The following ADORA1 variants were observed in gnomAD, a reference collection of about 807,000 sequenced individuals.
The protein encoded by ADORA1 is adenosine receptor A1.
ADORA1 carries 6 observed loss-of-function variants against 19.9 expected under a neutral mutation model. That is an observed-to-expected ratio of 0.30 (90% CI 0.17 to 0.59). The LOEUF (loss-of-function observed/expected upper bound fraction) is 0.59. Among genes scored for constraint, ADORA1 ranks in the 20% least tolerant of loss-of-function variants. The probability of loss-of-function intolerance (pLI) is 0.87; values close to 1 mark genes in which losing one functional copy is unlikely to be tolerated. For synonymous variants in ADORA1, 194 were observed against 188.4 expected (o/e 1.03, Z -0.24); for missense variants, 302 against 439.2 (o/e 0.69, Z 2.79).
At chr1:203,136,038 G>A (rs1400088500) in intron 3 of ADORA1, among the ~76,000 whole-genome samples, 3 of 152,176 alleles carry the variant, frequency 2.0e-5, no homozygotes, top group African/African-American at 7.2e-5. Context: ...AGGACTTGGG[G>A]TGAGGCACAT....
intron 3 of ADORA1, among the ~76,000 whole-genome samples, chr1:203,155,783 G>A (rs889086362): frequency 9.2e-5 from 14 of 152,168 alleles, no homozygotes; most frequent in Non-Finnish European, 1.9e-4. Context: ...GCCTTATGTC[G>A]CAGGACCTAG....
intron 3 of ADORA1, among the ~76,000 whole-genome samples, chr1:203,131,407 A>G (rs1184446057): frequency 6.6e-6 from 1 of 152,232 alleles, no homozygotes; most frequent in Non-Finnish European, 1.5e-5. Flanking sequence ...CAAATTCTTC[A>G]GAATGCCCAG....
At chr1:203,131,724 C>T (rs1342534197) in intron 3 of ADORA1, among the ~76,000 whole-genome samples, 2 of 152,186 alleles carry the variant, frequency 1.3e-5, no homozygotes, top group Admixed American at 6.5e-5. Context: ...GGGATCCTGG[C>T]TGAGGTGTTG....
chr1:203,142,616 A>G (rs946796303), intron 3 of ADORA1, among the ~76,000 whole-genome samples: 1 of 152,238 alleles, frequency 6.6e-6, no homozygotes, highest in Non-Finnish European at 1.5e-5. Flanking sequence ...GAGCTTGTAC[A>G]GCAAGTTAGG....
At chr1:203,161,180 T>TC (rs1330574535) in intron 3 of ADORA1, among the ~76,000 whole-genome samples, 1 of 152,268 alleles carries the variant, frequency 6.6e-6, no homozygotes, top group Non-Finnish European at 1.5e-5. Flanking sequence ...CCTCAAGTGA[T>TC]CCCTTTCCCT....
Position 203,128,676 on chromosome 1 carries a change from G to C in ADORA1, c.-57-109G>C. On this transcript the variant is annotated intron_variant, in intron 2 of 3. Coordinates refer to ENST00000337894, the MANE Select transcript of ADORA1 (RefSeq NM_000674.3). This position sits in a 1 kb window ranked among gnomAD's most constrained non-coding sequence, Gnocchi z 5.9. The stretch of plus-strand genomic sequence containing the variant: ...TGCCCCTCCAGCCTGGGTAGGAGCT[G>C]CATGTGACAAGTGGGACACATCACA... 4.6e-6 allele frequency: 6 copies of C among 1,301,542 alleles called. No individual in the cohort carries two copies. The highest frequency in any genetic ancestry group is 5.1e-6 in the Non-Finnish European group (5 of 971,568). The allele number at this position is 1,301,542 out of a possible 1,614,324, so 80.6% of individuals were successfully genotyped here.
intron 3 of ADORA1, among the ~76,000 whole-genome samples, chr1:203,154,675 C>T (rs1396162162): frequency 3.9e-5 from 6 of 152,170 alleles, no homozygotes; most frequent in Non-Finnish European, 1.5e-5. Context: ...GCCCCATCCC[C>T]ACTGCTCCAG....
chr1:203,165,386 G>C lies in ADORA1; in HGVS notation c.467G>C (p.Trp156Ser), dbSNP rs758713473. Residue 156 changes from tryptophan (W) to serine (S), a missense_variant, in exon 4 of 4, where the codon TGG becomes TCG. By Grantham distance (177) the Trp-to-Ser change is radical. Coordinates refer to ENST00000337894, the MANE Select transcript of ADORA1 (RefSeq NM_000674.3). The surrounding 1 kb of genome is among the most constrained non-coding windows in gnomAD (Gnocchi z 5.9). ...AATCTGAGTGCGGTGGAGCGGGCCT[G>C]GGCAGCCAACGGCAGCATGGGGGAG... ...WNNLSAVERA[W>S]AANGSMGEPV... 1.2e-6 allele frequency: 2 copies of C among 1,606,580 alleles called. No individual in the cohort carries two copies. Among genetic ancestry groups the C allele is most frequent in the South Asian group, 2.2e-5 (2 of 89,192 alleles).
At position 203,165,423 on chromosome 1, in the gene ADORA1, G is replaced by A. The variant is rs780666223; in HGVS notation, c.504G>A (p.Lys168=). ...ANGSMGEPVI[K]CEFEKVISME... Reference sequence around the variant, plus strand: ...GCAGCATGGGGGAGCCCGTGATCAAGTGCGAGTTCGAGAAGGTCATCAGCA... The same window carrying A: ...GCAGCATGGGGGAGCCCGTGATCAAATGCGAGTTCGAGAAGGTCATCAGCA... Residue 168 remains lysine, a synonymous_variant, in exon 4 of 4, where the codon AAG becomes AAA. Coordinates refer to ENST00000337894, the MANE Select transcript of ADORA1 (RefSeq NM_000674.3). This position sits in a 1 kb window ranked among gnomAD's most constrained non-coding sequence, Gnocchi z 5.9. 7 of 1,613,282 alleles carry A rather than the reference G, an allele frequency of 4.3e-6. No homozygotes were observed. Among genetic ancestry groups the A allele is most frequent in the South Asian group, 1.1e-5 (1 of 90,892 alleles).
At chr1:203,160,445 C>T (rs1426804672) in intron 3 of ADORA1, among the ~76,000 whole-genome samples, 1 of 152,152 alleles carries the variant, frequency 6.6e-6, no homozygotes, top group Non-Finnish European at 1.5e-5. Flanking sequence ...TGGATTTTCA[C>T]ATTAGGGATG....
At chr1:203,149,453 C>T (rs891728654) in intron 3 of ADORA1, among the ~76,000 whole-genome samples, 1 of 152,150 alleles carries the variant, frequency 6.6e-6, no homozygotes, top group Non-Finnish European at 1.5e-5. Context: ...TCTGTTTTAC[C>T]CGTGCAAATG....
chr1:203,162,878 G>T lies in ADORA1; in HGVS notation c.342-2383G>T, dbSNP rs1192075510. ...CAGATGTGATGGGTGGTGGGGGTAG[G>T]CAGGACACCTGGCCCCGTCCTCTCT... is the stretch of plus-strand genomic sequence containing the variant. On this transcript the variant is annotated intron_variant, in intron 3 of 3. Coordinates refer to ENST00000337894, the MANE Select transcript of ADORA1 (RefSeq NM_000674.3). 2.0e-5 allele frequency among the ~76,000 whole-genome samples: 3 copies of T among 152,138 alleles called. No homozygotes were observed. The East Asian group carries it at 5.8e-4, about 29-fold the overall frequency.
chr1:203,165,483 G>T lies in ADORA1; in HGVS notation c.564G>T (p.Trp188Cys). Residue 188 changes from tryptophan to cysteine, a missense_variant, in exon 4 of 4, where the codon TGG (tryptophan) becomes TGT (cysteine). Trp to Cys is a radical substitution (Grantham distance 215). Coordinates refer to ENST00000337894, the MANE Select transcript of ADORA1 (RefSeq NM_000674.3). The surrounding 1 kb of genome is among the most constrained non-coding windows in gnomAD (Gnocchi z 5.9). ...TGGTCTACTTCAACTTCTTTGTGTG[G>T]GTGCTGCCCCCGCTTCTCCTCATGG... is the stretch of plus-strand genomic sequence containing the variant. Reference protein sequence around the residue: ...EYMVYFNFFVWVLPPLLLMVL... With the variant: ...EYMVYFNFFVCVLPPLLLMVL... The T allele has an allele frequency of 6.2e-7, 1 of 1,613,292 alleles. No homozygotes were observed. The highest frequency in any genetic ancestry group is 2.2e-5 in the East Asian group (1 of 44,862).
At chr1:203,142,847 G>A (rs149330214) in intron 3 of ADORA1, among the ~76,000 whole-genome samples, 45 of 152,306 alleles carry the variant, frequency 3.0e-4, no homozygotes, top group Non-Finnish European at 5.6e-4. Context: ...TGGCAGCTCT[G>A]TAAATTGACT....
chr1:203,136,823 G>T (rs538528586), intron 3 of ADORA1, among the ~76,000 whole-genome samples: 1 of 152,162 alleles, frequency 6.6e-6, no homozygotes, highest in Non-Finnish European at 1.5e-5. Flanking sequence ...TCCCTACACC[G>T]GGCCCTGGTA....
In ADORA1 at chr1:203,165,015, T is replaced by G; in HGVS notation, c.342-246T>G. On this transcript the variant is annotated intron_variant, in intron 3 of 3. Coordinates refer to ENST00000337894, the MANE Select transcript of ADORA1 (RefSeq NM_000674.3). The surrounding 1 kb of genome is among the most constrained non-coding windows in gnomAD (Gnocchi z 5.9). Reference sequence around the variant, plus strand: ...AAAGGAGCTCCTCTGTGATTTTCTATTATTATTTTTGTCATTAATCAGGAT... The same window carrying G: ...AAAGGAGCTCCTCTGTGATTTTCTAGTATTATTTTTGTCATTAATCAGGAT... 1 of 1,544,070 alleles carries G rather than the reference T, an allele frequency of 6.5e-7. No individual in the cohort carries two copies. Among genetic ancestry groups the G allele is most frequent in the Non-Finnish European group, 8.7e-7 (1 of 1,143,108 alleles).
At chr1:203,133,867 G>A (rs1350736815) in intron 3 of ADORA1, among the ~76,000 whole-genome samples, 1 of 152,188 alleles carries the variant, frequency 6.6e-6, no homozygotes, top group Non-Finnish European at 1.5e-5. Context: ...TTGCGTTTAG[G>A]CATCAATTTA....
At chr1:203,151,998 A>G (rs1655052953) in intron 3 of ADORA1, among the ~76,000 whole-genome samples, 1 of 152,118 alleles carries the variant, frequency 6.6e-6, no homozygotes, top group Non-Finnish European at 1.5e-5. Flanking sequence ...TTCCGTGTTC[A>G]GTGCCCCTCC....
chr1:203,153,321 A>G (rs1655095927), intron 3 of ADORA1, among the ~76,000 whole-genome samples: 1 of 152,196 alleles, frequency 6.6e-6, no homozygotes, highest in African/African-American at 2.4e-5. Flanking sequence ...GCTCACGTCC[A>G]GCGCTCAGAA....
Sources: allele counts gnomAD v4.1 joint callset (sites outside exome capture counted in the v4.1 genomes callset), GRCh38; gene constraint gnomAD v4.1.1; non-coding constraint Gnocchi (gnomAD v3.1); transcripts MANE v1.5; gene names NCBI Gene and HGNC (gene_info 2026-07-23, HGNC 2026-07-21).